The following GTF2E2 variants were observed in gnomAD, a reference collection of about 807,000 sequenced individuals.
GTF2E2 encodes general transcription factor IIE subunit 2, also known as transcription initiation factor IIE subunit beta.
A neutral mutation model predicts 40.5 loss-of-function variants in GTF2E2; 21 were observed. That is an observed-to-expected ratio of 0.52 (90% CI 0.37 to 0.75). GTF2E2 has a LOEUF of 0.75. Ranked by LOEUF, GTF2E2 falls within the 30% of genes least tolerant of loss-of-function variation. The pLI is 0.00. For missense variants in GTF2E2, 298 were observed against 338.4 expected (o/e 0.88, Z 0.94); for synonymous variants, 117 against 121.6 (o/e 0.96, Z 0.25).
chr8:30,642,686 C>T (rs186260315), intron 2 of GTF2E2, among the ~76,000 whole-genome samples: 1 of 152,196 alleles, frequency 6.6e-6, no homozygotes, highest in Non-Finnish European at 1.5e-5. Flanking sequence ...TTCCTATATA[C>T]ACTATCCTAC....
At chr8:30,581,018 C>T (rs1828501500) in intron 6 of GTF2E2, among the ~76,000 whole-genome samples, 1 of 152,136 alleles carries the variant, frequency 6.6e-6, no homozygotes, top group African/African-American at 2.4e-5. Context: ...CCCTCTGCCA[C>T]ATCACTATTT....
chr8:30,651,059 C>G (rs1438314438), intron 2 of GTF2E2, among the ~76,000 whole-genome samples: 1 of 150,164 alleles, frequency 6.7e-6, no homozygotes, highest in Non-Finnish European at 1.5e-5. Context: ...TAGAAAGGAA[C>G]TTCTTCAACT....
At chr8:30,639,607 T>A (rs2128725288) in intron 2 of GTF2E2, among the ~76,000 whole-genome samples, 1 of 152,302 alleles carries the variant, frequency 6.6e-6, no homozygotes, top group Non-Finnish European at 1.5e-5. Flanking sequence ...AAAATTAATA[T>A]TAACTGCTGA....
At chr8:30,639,807 G>A (rs1448271894) in intron 2 of GTF2E2, among the ~76,000 whole-genome samples, 2 of 148,668 alleles carry the variant, frequency 1.3e-5, no homozygotes, top group South Asian at 2.1e-4. Flanking sequence ...TTTCTTAGTC[G>A]GCATTCAGCT....
intron 2 of GTF2E2, among the ~76,000 whole-genome samples, chr8:30,641,018 T>C (rs1348843403): frequency 6.6e-6 from 1 of 152,328 alleles, no homozygotes; most frequent in East Asian, 1.9e-4. Context: ...TGCTTAATTA[T>C]GCCTAATCCA....
intron 2 of GTF2E2, chr8:30,643,850 T>C (rs1256708700): frequency 6.6e-6 from 1 of 152,030 alleles, no homozygotes; most frequent in Non-Finnish European, 1.5e-5. Context: ...TACTACTTTG[T>C]AGTTTTCGTT....
intron 3 of GTF2E2, among the ~76,000 whole-genome samples, chr8:30,623,407 GGT>G (rs1160060873): frequency 6.6e-6 from 1 of 152,050 alleles, no homozygotes; most frequent in South Asian, 2.1e-4. Flanking sequence ...AGTATTCCAT[GGT>G]GTATATGTGC....
intron 5 of GTF2E2, among the ~76,000 whole-genome samples, chr8:30,611,025 T>C (rs1311863090): frequency 6.6e-6 from 1 of 152,250 alleles, no homozygotes; most frequent in African/African-American, 2.4e-5. Flanking sequence ...AAGAAAATCC[T>C]GTTGCAAGTA....
At chr8:30,595,560 T>C (rs1036790851) in intron 6 of GTF2E2, among the ~76,000 whole-genome samples, 6 of 152,216 alleles carry the variant, frequency 3.9e-5, no homozygotes. Flanking sequence ...CCGGATGCAG[T>C]TGCTCACACC....
intron 2 of GTF2E2, among the ~76,000 whole-genome samples, chr8:30,651,554 A>G (rs1258757337): frequency 6.6e-6 from 1 of 152,212 alleles, no homozygotes; most frequent in Non-Finnish European, 1.5e-5. Flanking sequence ...CAGGAGTTTG[A>G]GACCAGCCTG....
intron 2 of GTF2E2, among the ~76,000 whole-genome samples, chr8:30,646,310 A>T (rs1279170443): frequency 6.6e-6 from 1 of 151,972 alleles, no homozygotes; most frequent in African/African-American, 2.4e-5. Flanking sequence ...TCTTATTTAT[A>T]CTCTCAAAGG....
rs1828427941 is a variant in GTF2E2 at position 30,578,807 on chromosome 8, GCTCCT to G, written c.*109_*113del. 1 of 698,170 alleles carries G rather than the reference GCTCCT, an allele frequency of 1.4e-6. No individual in the cohort carries two copies. Among genetic ancestry groups the G allele is most frequent in the Non-Finnish European group, 2.6e-6 (1 of 379,598 alleles). 43.2% of individuals were successfully genotyped at this position (698,170 alleles called of 1,614,324 possible). On this transcript the variant is annotated 3_prime_UTR_variant, in exon 8 of 8. Transcript: ENST00000355904. ...TTGCACTTGTTTTGTAAACTGAACT[GCTCCT>G]CTCCTCAGCCGCAAGAAGCAGATAG...
chr8:30,588,774 A>C (rs1828754771), intron 6 of GTF2E2, among the ~76,000 whole-genome samples: 1 of 152,198 alleles, frequency 6.6e-6, no homozygotes, highest in South Asian at 2.1e-4. Flanking sequence ...GAAGCTGAAA[A>C]GGCAAGAAAA....
intron 2 of GTF2E2, chr8:30,645,503 T>TA: frequency 6.5e-7 from 1 of 1,535,650 alleles, no homozygotes; most frequent in South Asian, 1.2e-5. Context: ...TGCTGCTGTG[T>TA]AAAAAACAAA....
intron 5 of GTF2E2, among the ~76,000 whole-genome samples, chr8:30,610,014 C>A (rs975555501): frequency 6.6e-6 from 1 of 152,178 alleles, no homozygotes; most frequent in Admixed American, 6.5e-5. Flanking sequence ...AAATCAATCT[C>A]TTTTCTTTAT....
chr8:30,636,508 T>C lies in GTF2E2; in HGVS notation c.167-1385A>G, dbSNP rs577181942. ...TGAGTATCCTTTTTTGAGACTAAAA[T>C]GAAACTTCATATGCAATTTTCCTTT... On this transcript the variant is annotated intron_variant, in intron 2 of 7. Coordinates refer to ENST00000355904, the MANE Select transcript of GTF2E2 (RefSeq NM_002095.6). 2.0e-5 allele frequency among the ~76,000 whole-genome samples: 3 copies of C among 152,348 alleles called. No individual in the cohort carries two copies. The South Asian group carries it at 6.2e-4, about 32-fold the overall frequency.
At position 30,630,303 on chromosome 8, in the gene GTF2E2, C is replaced by T. The variant is rs372358701; in HGVS notation, c.258+4729G>A. On this transcript the variant is annotated intron_variant, in intron 3 of 7. Transcript: ENST00000355904. ...TTCTCAGTATTATGACTCTGAAGTT[C>T]CTGTATCTGCCTTTCATCTTTCTAT... Among the ~76,000 whole-genome samples the T allele has an allele frequency of 1.2e-4, 19 of 152,138 alleles. 1 individual carries two copies. Among genetic ancestry groups the T allele is most frequent in the East Asian group, 9.6e-4 (5 of 5,186 alleles).
At chr8:30,607,907 GA>G (rs1829368734) in intron 5 of GTF2E2, among the ~76,000 whole-genome samples, 1 of 152,138 alleles carries the variant, frequency 6.6e-6, no homozygotes, top group African/African-American at 2.4e-5. Flanking sequence ...AAATCACCTA[GA>G]AATGTGATGC....
At chr8:30,579,236 G>T (rs1213787469) in intron 7 of GTF2E2, among the ~76,000 whole-genome samples, 199 bp from the exon 8 acceptor site, 3 of 152,110 alleles carry the variant, frequency 2.0e-5, no homozygotes, top group Non-Finnish European at 4.4e-5. Context: ...CTGAGATGCA[G>T]ATGCCATCGG....
Sources: allele counts gnomAD v4.1 joint callset (sites outside exome capture counted in the v4.1 genomes callset), GRCh38; gene constraint gnomAD v4.1.1; transcripts MANE v1.5; gene names NCBI Gene and HGNC (gene_info 2026-07-23, HGNC 2026-07-21).